FARP1: variants seen among roughly 807,000 people sequenced by gnomAD.
The protein encoded by FARP1 is FERM, ARH/RhoGEF and pleckstrin domain protein 1.
FARP1 carries 52 observed loss-of-function variants against 128.8 expected under a neutral mutation model. That is an observed-to-expected ratio of 0.40 (90% CI 0.32 to 0.51). The LOEUF is 0.51. Among genes scored for constraint, FARP1 ranks in the 20% least tolerant of loss-of-function variants. FARP1 has a pLI of 0.45. For synonymous variants in FARP1, 580 were observed against 551.8 expected (o/e 1.05, Z -0.72); for missense variants, 1,333 against 1,367.9 (o/e 0.97, Z 0.40).
At chr13:98,232,005 T>C (rs919208073) in intron 2 of FARP1, among the ~76,000 whole-genome samples, 12 of 152,128 alleles carry the variant, frequency 7.9e-5, no homozygotes, top group African/African-American at 2.9e-4. Context: ...TTTCTTTGTA[T>C]TTTTAGTAAA....
At chr13:98,175,039 C>G (rs1274730992) in intron 1 of FARP1, among the ~76,000 whole-genome samples, 2 of 152,132 alleles carry the variant, frequency 1.3e-5, no homozygotes, top group East Asian at 1.9e-4. Flanking sequence ...TTCGCTCTGC[C>G]GCAGTTGCTT....
intron 15 of FARP1, 38 bp downstream of exon 15, chr13:98,410,861 G>T: frequency 1.9e-6 from 2 of 1,059,890 alleles, no homozygotes; most frequent in East Asian, 2.4e-5. Context: ...TCGATTACAT[G>T]ATTTATCTCA....
intron 2 of FARP1, among the ~76,000 whole-genome samples, chr13:98,314,512 T>TAAGG: frequency 6.6e-6 from 1 of 152,012 alleles, no homozygotes; most frequent in Non-Finnish European, 1.5e-5. Flanking sequence ...TCTCTTGACC[T>TAAGG]CATGATCTGC....
At chr13:98,274,284 G>T (rs1255082978) in intron 2 of FARP1, among the ~76,000 whole-genome samples, 1 of 152,136 alleles carries the variant, frequency 6.6e-6, no homozygotes, top group Non-Finnish European at 1.5e-5. Context: ...CTTTGTTGGC[G>T]CACAGGGCCA....
At chr13:98,379,214 A>T (rs9556946) in intron 6 of FARP1, among the ~76,000 whole-genome samples, 741 of 70,500 alleles carry the variant, frequency 0.011, 51 homozygotes, top group East Asian at 0.029. Context: ...TATAATATAT[A>T]ATATATAATC....
Position 98,435,661 on chromosome 13 carries a change from C to A in FARP1, c.2229C>A (p.Leu743=), listed in dbSNP as rs777421431. 43 of 1,614,002 alleles carry A rather than the reference C, an allele frequency of 2.7e-5. No individual in the cohort carries two copies. The highest frequency in any genetic ancestry group is 4.2e-6 in the Non-Finnish European group (5 of 1,180,032). Residue 743 remains leucine (L), a synonymous_variant, in exon 19 of 27, where the codon CTC becomes CTA. Coordinates refer to ENST00000319562, the MANE Select transcript of FARP1 (RefSeq NM_005766.4). ...AGAATTTCCAGAAGCTGCACGAACTCAAGAAAGATTTGATTGGCATTGACA... is the reference window on the plus strand; with the variant it reads ...AGAATTTCCAGAAGCTGCACGAACTAAAGAAAGATTTGATTGGCATTGACA... The part of the protein sequence containing the change: ...KMENFQKLHE[L]KKDLIGIDNL...
intron 24 of FARP1, among the ~76,000 whole-genome samples, chr13:98,444,698 G>A (rs2139154464): frequency 6.6e-6 from 1 of 152,334 alleles, no homozygotes; most frequent in Non-Finnish European, 1.5e-5. Context: ...AAGCTAGAGA[G>A]CGCTAAGGAA....
intron 2 of FARP1, among the ~76,000 whole-genome samples, chr13:98,321,436 G>A (rs1886987920): frequency 6.6e-6 from 1 of 152,198 alleles, no homozygotes; most frequent in Non-Finnish European, 1.5e-5. Flanking sequence ...TCTAAGAATT[G>A]AAAACAGCTT....
intron 2 of FARP1, among the ~76,000 whole-genome samples, chr13:98,270,859 C>T (rs935006585): frequency 3.3e-5 from 5 of 152,038 alleles, no homozygotes; most frequent in African/African-American, 1.2e-4. Flanking sequence ...AGGCAGTGTA[C>T]AGAGATGGTG....
Position 98,250,447 on chromosome 13 carries a change from G to A in FARP1, c.171+37034G>A, listed in dbSNP as rs145722784. On this transcript the variant is annotated intron_variant, in intron 2 of 26. Transcript: ENST00000319562. ...TAACAAATAAAAATATGAGGGCCGG[G>A]CACGGTGGCTCACACTTATAATCCC... Among the ~76,000 whole-genome samples, 959 of 152,276 alleles carry A rather than the reference G, an allele frequency of 6.3e-3. 9 individuals are homozygous for A. Among genetic ancestry groups the A allele is most frequent in the African/African-American group, 0.022 (904 of 41,548 alleles).
chr13:98,210,710 T>C (rs949352340), intron 1 of FARP1, among the ~76,000 whole-genome samples: 1 of 151,896 alleles, frequency 6.6e-6, no homozygotes, highest in Non-Finnish European at 1.5e-5. Flanking sequence ...CCACCACGCC[T>C]GGCTAATTTT....
chr13:98,444,216 G>A (rs969078092), intron 24 of FARP1, among the ~76,000 whole-genome samples: 9 of 152,160 alleles, frequency 5.9e-5, no homozygotes, highest in South Asian at 4.1e-4. Context: ...GACACGGCTC[G>A]TGCTGGGCTT....
At position 98,449,359 on chromosome 13, in the gene FARP1, G is replaced by A. The variant is rs1893071542; in HGVS notation, c.*1042G>A. ...TTTATACTCATTCCCCCCAGGCATG[G>A]GGTAGTGTCAGTCGGACTGCACAGG... On this transcript the variant is annotated 3_prime_UTR_variant, in exon 27 of 27. Transcript: ENST00000319562. 6.6e-6 allele frequency: 1 copy of A among 152,106 alleles called. No individual in the cohort carries two copies. The highest frequency in any genetic ancestry group is 1.5e-5 in the Non-Finnish European group (1 of 68,040). The allele number at this position is 152,106 out of a possible 1,614,324, so 9.4% of individuals were successfully genotyped here.
At chr13:98,244,714 G>C in intron 2 of FARP1, 2 of 1,610,878 alleles carry the variant, frequency 1.2e-6, no homozygotes, top group Admixed American at 1.7e-5. Flanking sequence ...TTTTGAGTCA[G>C]GACTTGAAGT....
intron 2 of FARP1, among the ~76,000 whole-genome samples, chr13:98,217,401 C>T (rs1039775143): frequency 1.1e-4 from 16 of 152,130 alleles, no homozygotes; most frequent in African/African-American, 3.9e-4. Context: ...CAGAAGCCCC[C>T]CAGGAGAGCA....
intron 2 of FARP1, among the ~76,000 whole-genome samples, chr13:98,287,431 A>G (rs1443396461): frequency 1.3e-5 from 2 of 151,612 alleles, no homozygotes; most frequent in Non-Finnish European, 2.9e-5. Context: ...GGGTTTCACC[A>G]TGTTAGCCAG....
chr13:98,278,373 CGT>C (rs1288765462), intron 2 of FARP1, among the ~76,000 whole-genome samples: 1 of 151,496 alleles, frequency 6.6e-6, no homozygotes, highest in African/African-American at 2.4e-5. Context: ...TGTTTAAGTG[CGT>C]GTTTGTGTGC....
rs760762271 is a variant in FARP1 at position 98,390,817 on chromosome 13, G to A, written c.1025G>A (p.Arg342Gln). The change falls in exon 11 of 27, where the codon CGG (arginine) becomes CAG (glutamine). Residue 342 changes from arginine to glutamine, a missense_variant. By Grantham distance (43) the Arg-to-Gln change is conservative. Transcript: ENST00000319562. ...SRGSSFRFSG[R>Q]TQKQVLDYVK... Reference sequence around the variant, plus strand: ...TGTTGTGGTCTCTGTTTCAGTGGTCGGACTCAGAAGCAGGTTCTCGACTAT... The same window carrying A: ...TGTTGTGGTCTCTGTTTCAGTGGTCAGACTCAGAAGCAGGTTCTCGACTAT... 15 of 1,612,630 alleles carry A rather than the reference G, an allele frequency of 9.3e-6. No individual in the cohort carries two copies. Among genetic ancestry groups the A allele is most frequent in the Admixed American group, 6.7e-5 (4 of 59,958 alleles).
At chr13:98,321,924 C>T (rs976857424) in intron 2 of FARP1, among the ~76,000 whole-genome samples, 1 of 152,210 alleles carries the variant, frequency 6.6e-6, no homozygotes, top group Admixed American at 6.5e-5. Context: ...ATCAACCTTC[C>T]CTGCTCTTCA....
Sources: gnomAD v4.1 joint callset for allele counts (sites outside exome capture counted in the v4.1 genomes callset) on GRCh38, gnomAD v4.1.1 for gene constraint, MANE v1.5 for transcripts, NCBI Gene and HGNC (gene_info 2026-07-23, HGNC 2026-07-21) for gene names.